ATRN: variants seen among roughly 807,000 people sequenced by gnomAD.
ATRN encodes the protein attractin, also known as attractin-2.
A neutral mutation model predicts 178.7 loss-of-function variants in ATRN; 54 were observed. The ratio of observed to expected loss-of-function variants is 0.30; its 90% CI spans 0.24 to 0.38. ATRN has a LOEUF of 0.38. Ranked by LOEUF, ATRN falls within the 10% of genes least tolerant of loss-of-function variation. The pLI, the probability that ATRN is intolerant of heterozygous loss-of-function variation, is 1.00. For synonymous variants in ATRN, 636 were observed against 663.0 expected (o/e 0.96, Z 0.63); for missense variants, 1,443 against 1,815.1 (o/e 0.79, Z 3.73).
intron 25 of ATRN, chr20:3,628,877 T>C: frequency 1.0e-6 from 1 of 985,098 alleles, no homozygotes; most frequent in Non-Finnish European, 1.2e-6. Context: ...CTATTCAGCC[T>C]CTCACTGTTG....
At chr20:3,643,792 A>G (rs1469640333) in intron 27 of ATRN, among the ~76,000 whole-genome samples, 3 of 152,232 alleles carry the variant, frequency 2.0e-5, no homozygotes, top group Non-Finnish European at 4.4e-5. Flanking sequence ...TGACAAATCT[A>G]CCAAGCACTC....
rs150555837 is a variant in ATRN at position 3,632,874 on chromosome 20, C to T, written c.3864-1437C>T. ...TTAAAAAGACAATGTAGGCCAGTCA[C>T]GTGAGGCCTGTAATCTTTGCCAAGG... On this transcript the variant is annotated intron_variant, in intron 25 of 28. Coordinates refer to ENST00000262919, the MANE Select transcript of ATRN (RefSeq NM_139321.3). The surrounding 1 kb of genome is among the most constrained non-coding windows in gnomAD (Gnocchi z 4.2). 2.6e-4 allele frequency among the ~76,000 whole-genome samples: 40 copies of T among 152,290 alleles called. 2 individuals carry two copies. In the East Asian group the frequency reaches 4.8e-3, roughly 18 times the overall value.
At chr20:3,576,733 C>CTATCTATT (rs2086217161) in intron 13 of ATRN, 126 bp from the exon 14 acceptor site, 3 of 770,898 alleles carry the variant, frequency 3.9e-6, no homozygotes, top group Non-Finnish European at 6.4e-6. Context: ...ATCTATCTAT[C>CTATCTATT]TGTCTATCTA....
intron 1 of ATRN, chr20:3,490,216 TA>T: frequency 6.6e-7 from 1 of 1,520,280 alleles, no homozygotes. Context: ...AGCCTAAAGC[TA>T]AGAGAGCAGA....
intron 1 of ATRN, chr20:3,490,961 C>T: frequency 6.6e-7 from 1 of 1,508,310 alleles, no homozygotes; most frequent in Non-Finnish European, 9.2e-7. Flanking sequence ...TGAGCCTTTC[C>T]TTCTCCTCAT....
chr20:3,563,238 G>C lies in ATRN; in HGVS notation c.1661G>C (p.Arg554Pro). ...WTILKDSRFF[R>P]YLHTAVIVSG... ...ATTCTTAAGGACAGCCGATTTTTCC[G>C]TTACTTGCACACAGCTGTGATAGTG... Residue 554 changes from arginine to proline, a missense_variant, in exon 10 of 29, where the codon CGT becomes CCT. Physicochemically the swap from Arg to Pro is moderately radical, Grantham distance 103. Coordinates refer to ENST00000262919, the MANE Select transcript of ATRN (RefSeq NM_139321.3). The C allele has an allele frequency of 6.2e-7, 1 of 1,612,568 alleles. No individual in the cohort carries two copies. Among genetic ancestry groups the C allele is most frequent in the Non-Finnish European group, 8.5e-7 (1 of 1,179,244 alleles).
intron 1 of ATRN, among the ~76,000 whole-genome samples, chr20:3,480,146 C>T (rs761419117): frequency 1.7e-4 from 26 of 152,146 alleles, no homozygotes; most frequent in Admixed American, 1.3e-3. Flanking sequence ...TTGTCCCTTC[C>T]CAACAATCTC....
intron 1 of ATRN, among the ~76,000 whole-genome samples, chr20:3,531,938 A>G (rs1263086425): frequency 6.6e-5 from 10 of 152,216 alleles, no homozygotes. Context: ...CCTGGACAAC[A>G]TAGCAAGACT....
intron 13 of ATRN, 62 bp from the exon 14 acceptor site, chr20:3,576,797 G>A: frequency 6.4e-7 from 1 of 1,572,908 alleles, no homozygotes; most frequent in Non-Finnish European, 8.7e-7. Context: ...ATATCCTGTT[G>A]GTCCTCACCA....
chr20:3,492,168 AGT>A (rs58489496), intron 1 of ATRN, among the ~76,000 whole-genome samples: 23,743 of 140,544 alleles, frequency 0.17, 2,348 homozygotes, highest in Non-Finnish European at 0.23. Context: ...TAGATAGGGG[AGT>A]GTGTGTGTGT....
At chr20:3,640,068 T>C (rs576825735) in intron 27 of ATRN, among the ~76,000 whole-genome samples, 18 of 152,240 alleles carry the variant, frequency 1.2e-4, no homozygotes, top group Non-Finnish European at 2.4e-4. Context: ...AATGTTAGAA[T>C]TGAAATCTAA....
chr20:3,626,785 T>C (rs374251954), intron 25 of ATRN, among the ~76,000 whole-genome samples: 13 of 131,700 alleles, frequency 9.9e-5, no homozygotes, highest in South Asian at 2.3e-4. Flanking sequence ...TTATTTCTTT[T>C]TTTTTTTTTT....
chr20:3,529,787 AT>A (rs2085425085), intron 1 of ATRN, among the ~76,000 whole-genome samples: 1 of 152,196 alleles, frequency 6.6e-6, no homozygotes, highest in African/African-American at 2.4e-5. Flanking sequence ...ATTTTATTAT[AT>A]GTAAATTACT....
rs771195864 is a variant in ATRN at position 3,560,787 on chromosome 20, A to G, written c.1329A>G (p.Ala443=). ...CCCCTAAGGCAAAGGAGCAGTATGC[A>G]GTGGTTGGGCACTCTGCACACATTG... ...LLTPKAKEQY[A]VVGHSAHIVT... The change falls in exon 8 of 29, where the codon GCA becomes GCG. Residue 443 remains alanine (A), a synonymous_variant. Coordinates refer to ENST00000262919, the MANE Select transcript of ATRN (RefSeq NM_139321.3). 1 of 1,614,174 alleles carries G rather than the reference A, an allele frequency of 6.2e-7. No individual in the cohort carries two copies. Among genetic ancestry groups the G allele is most frequent in the Non-Finnish European group, 8.5e-7 (1 of 1,180,028 alleles).
chr20:3,633,222 G>A (rs911869157), intron 25 of ATRN, among the ~76,000 whole-genome samples: 5 of 152,184 alleles, frequency 3.3e-5, no homozygotes, highest in South Asian at 2.1e-4. Flanking sequence ...ACCAAGTGAC[G>A]ATCCTGGGGG....
intron 1 of ATRN, among the ~76,000 whole-genome samples, chr20:3,521,716 C>G (rs983438155): frequency 2.0e-5 from 3 of 152,128 alleles, no homozygotes; most frequent in Admixed American, 6.6e-5. Flanking sequence ...TTGGAACATT[C>G]AGTAAAATAG....
intron 1 of ATRN, among the ~76,000 whole-genome samples, chr20:3,485,623 T>G (rs1377576955): frequency 9.9e-6 from 1 of 101,510 alleles, no homozygotes; most frequent in Non-Finnish European, 1.9e-5. Flanking sequence ...TTTTTTTTTT[T>G]TTTTTTTTTT....
rs573533099 is a variant in ATRN, at chr20:3,638,450, A to T, written c.3943-378A>T. On this transcript the variant is annotated intron_variant, in intron 26 of 28. Transcript: ENST00000262919. The surrounding 1 kb of genome is among the most constrained non-coding windows in gnomAD (Gnocchi z 4.5). ...TTCCAGCTTCATCCGTGTCCCTGCA[A>T]AGGATATGAACTCATTTATTTTATG... 9.8e-5 allele frequency among the ~76,000 whole-genome samples: 15 copies of T among 152,320 alleles called. No individual in the cohort carries two copies. Among genetic ancestry groups the T allele is most frequent in the African/African-American group, 3.6e-4 (15 of 41,570 alleles).
intron 1 of ATRN, among the ~76,000 whole-genome samples, chr20:3,525,734 G>T (rs1438245672): frequency 6.6e-6 from 1 of 152,208 alleles, no homozygotes. Flanking sequence ...TGGGATGCAA[G>T]ATGGGTTCAA....
Sources: gnomAD v4.1 joint callset for allele counts (sites outside exome capture counted in the v4.1 genomes callset) on GRCh38, gnomAD v4.1.1 for gene constraint, Gnocchi (gnomAD v3.1) non-coding constraint, MANE v1.5 for transcripts, NCBI Gene and HGNC (gene_info 2026-07-23, HGNC 2026-07-21) for gene names.